Variants in MACC1 observed in about 807,000 individuals in gnomAD.
The protein encoded by MACC1 is MET transcriptional regulator MACC1.
MACC1 carries 79 observed loss-of-function variants against 70.7 expected under a neutral mutation model. That is an observed-to-expected ratio of 1.12 (90% CI 0.93 to 1.35). The LOEUF is 1.35. Among genes scored for constraint, MACC1 ranks in the 40% most tolerant of loss-of-function variants. MACC1 has a pLI of 0.00. For missense variants in MACC1, 1,106 were observed against 978.1 expected, an observed-to-expected ratio of 1.13 and a Z score of -1.74; for synonymous variants, 361 against 347.2, an observed-to-expected ratio of 1.04 and a Z score of -0.44.
intron 3 of MACC1, among the ~76,000 whole-genome samples, chr7:20,163,921 T>C (rs1025637808): frequency 2.0e-5 from 3 of 152,168 alleles, no homozygotes; most frequent in Admixed American, 6.5e-5. Context: ...TTTCCAGTTA[T>C]TTTTTAAATT....
intron 1 of MACC1, among the ~76,000 whole-genome samples, chr7:20,175,318 A>G (rs1467257917): frequency 3.9e-5 from 6 of 152,152 alleles, no homozygotes; most frequent in Non-Finnish European, 5.9e-5. Context: ...ATATCATAAA[A>G]TAAATGTGTG....
chr7:20,160,880 C>T (rs1290358155), intron 4 of MACC1, among the ~76,000 whole-genome samples: 4 of 151,918 alleles, frequency 2.6e-5, no homozygotes, highest in African/African-American at 7.2e-5. Context: ...AAAAGGAATT[C>T]ATAAAATGAA....
chr7:20,175,446 G>T (rs1025238728), intron 1 of MACC1, among the ~76,000 whole-genome samples: 1 of 151,810 alleles, frequency 6.6e-6, no homozygotes, highest in Non-Finnish European at 1.5e-5. Context: ...AATTGATCAA[G>T]CAATAGAACA....
At chr7:20,172,343 G>A (rs1388635793) in intron 1 of MACC1, among the ~76,000 whole-genome samples, 1 of 152,122 alleles carries the variant, frequency 6.6e-6, no homozygotes, top group Non-Finnish European at 1.5e-5. Flanking sequence ...CACAGTTACA[G>A]GAACATGTTA....
chr7:20,172,219 A>G (rs1219804482), intron 1 of MACC1, among the ~76,000 whole-genome samples: 1 of 152,206 alleles, frequency 6.6e-6, no homozygotes, highest in Non-Finnish European at 1.5e-5. Context: ...AGCTGCCCAA[A>G]TGAACATACG....
chr7:20,191,988 C>T (rs558697056), intron 1 of MACC1, among the ~76,000 whole-genome samples: 109 of 151,836 alleles, frequency 7.2e-4, no homozygotes, highest in African/African-American at 2.3e-3. Context: ...TAATAATAAA[C>T]GAATAAATAA....
rs116874410 is a variant in MACC1, at chr7:20,145,683, C to T, written c.2347-4525G>A. ...AGCACCCAAGAAGAAAGGTTAACTT[C>T]CTTTGGCAGAAACATAAATACAAAA... On this transcript the variant is annotated intron_variant, in intron 6 of 6. Coordinates refer to ENST00000400331, the MANE Select transcript of MACC1 (RefSeq NM_182762.4). Among the ~76,000 whole-genome samples, 1,083 of 152,140 alleles carry T rather than the reference C, an allele frequency of 7.1e-3. 26 individuals are homozygous for T. Among genetic ancestry groups the T allele is most frequent in the Admixed American group, 0.038 (578 of 15,282 alleles).
At chr7:20,155,011 T>A (rs1401107833) in intron 5 of MACC1, among the ~76,000 whole-genome samples, 1 of 151,964 alleles carries the variant, frequency 6.6e-6, no homozygotes, top group Non-Finnish European at 1.5e-5. Flanking sequence ...ACCAATATAA[T>A]GGTATTAAAC....
chr7:20,170,865 G>A (rs1782294097), intron 1 of MACC1, 87 bp from the exon 2 acceptor site: 1 of 152,206 alleles, frequency 6.6e-6, no homozygotes, highest in Non-Finnish European at 1.5e-5. Context: ...ATGAGAAAGA[G>A]CTTATGAATA....
At chr7:20,200,907 A>G (rs1382120661) in intron 1 of MACC1, among the ~76,000 whole-genome samples, 1 of 152,204 alleles carries the variant, frequency 6.6e-6, no homozygotes, top group African/African-American at 2.4e-5. Flanking sequence ...CACATTTTTA[A>G]TATCATTTTG....
At chr7:20,182,658 C>T (rs1422714247) in intron 1 of MACC1, among the ~76,000 whole-genome samples, 1 of 152,130 alleles carries the variant, frequency 6.6e-6, no homozygotes, top group Admixed American at 6.5e-5. Flanking sequence ...GCCTGTCTTG[C>T]TACCGTCCAA....
At chr7:20,181,481 G>A (rs1441547570) in intron 1 of MACC1, among the ~76,000 whole-genome samples, 1 of 151,972 alleles carries the variant, frequency 6.6e-6, no homozygotes, top group Non-Finnish European at 1.5e-5. Flanking sequence ...GACTGCTTAA[G>A]CATTTGATAA....
At chr7:20,190,442 G>C (rs749705343) in intron 1 of MACC1, among the ~76,000 whole-genome samples, 2 of 151,906 alleles carry the variant, frequency 1.3e-5, no homozygotes, top group Non-Finnish European at 2.9e-5. Context: ...ATTGAATCTT[G>C]ACATTAAATG....
rs1314921658 is a variant in MACC1, at chr7:20,159,559, T to C, written c.802A>G (p.Thr268Ala). 1 of 1,614,024 alleles carries C rather than the reference T, an allele frequency of 6.2e-7. No homozygotes were observed. The highest frequency in any genetic ancestry group is 8.5e-7 in the Non-Finnish European group (1 of 1,180,028). ...PHMLNHDLSCTVSPLLEIMLG... is the reference protein window; with the variant it reads ...PHMLNHDLSCAVSPLLEIMLG... ...ATGATTTCCAACAACGGGCTCACAG[T>C]GCACGAAAGATCATGGTTAAGCATG... The change falls in exon 5 of 7, where the codon ACT (threonine) becomes GCT (alanine). Residue 268 changes from threonine to alanine, a missense_variant. By Grantham distance (58) the Thr-to-Ala change is moderately conservative. Transcript: ENST00000400331.
Position 20,161,735 on chromosome 7 carries a change from T to A in MACC1, c.115+13A>T, listed in dbSNP as rs1399437960. The stretch of plus-strand genomic sequence containing the variant: ...TTACATGGACAAATCACAACAGTTA[T>A]AAATTCCCATACCTGTAATATTGCA... On this transcript the variant is annotated intron_variant, in intron 4 of 6. Transcript: ENST00000400331. The A allele has an allele frequency of 1.3e-6, 2 of 1,520,832 alleles. No homozygotes were observed. Among genetic ancestry groups the A allele is most frequent in the Admixed American group, 3.3e-5 (2 of 59,744 alleles). The allele number at this position is 1,520,832 out of a possible 1,614,324, so 94.2% of individuals were successfully genotyped here. A position where few individuals can be genotyped will look rare whatever the true frequency, so the allele number is the denominator to read the frequency against.
chr7:20,206,793 T>G (rs146465890), intron 1 of MACC1, among the ~76,000 whole-genome samples: 6 of 152,368 alleles, frequency 3.9e-5, no homozygotes, highest in African/African-American at 1.2e-4. Flanking sequence ...CAAACCTGTT[T>G]CTCTTGTCTT....
At chr7:20,192,285 T>C (rs1468284429) in intron 1 of MACC1, among the ~76,000 whole-genome samples, 1 of 152,206 alleles carries the variant, frequency 6.6e-6, no homozygotes, top group Non-Finnish European at 1.5e-5. Context: ...AATATCACCC[T>C]GTGGTTAATG....
chr7:20,176,050 G>A (rs1415187037), intron 1 of MACC1, among the ~76,000 whole-genome samples: 1 of 151,964 alleles, frequency 6.6e-6, no homozygotes, highest in South Asian at 2.1e-4. Flanking sequence ...CATTTCATAG[G>A]GCAGGTGTGG....
At chr7:20,153,708 G>A (rs1782013645) in intron 6 of MACC1, among the ~76,000 whole-genome samples, 1 of 152,172 alleles carries the variant, frequency 6.6e-6, no homozygotes, top group African/African-American at 2.4e-5. Flanking sequence ...GAAGCTCTTA[G>A]TTATCAATCT....
Sources: allele counts gnomAD v4.1 joint callset (sites outside exome capture counted in the v4.1 genomes callset), GRCh38; gene constraint gnomAD v4.1.1; transcripts MANE v1.5; gene names NCBI Gene and HGNC (gene_info 2026-07-23, HGNC 2026-07-21).